The following WDR27 variants were observed in gnomAD, a reference collection of about 807,000 sequenced individuals.
WDR27 encodes WD repeat-containing protein 27.
WDR27 carries 100 observed loss-of-function variants against 114.4 expected under a neutral mutation model. That is an observed-to-expected ratio of 0.87 (90% CI 0.74 to 1.03). The LOEUF (loss-of-function observed/expected upper bound fraction) is 1.03, where lower values mean the gene tolerates loss of function less well. Ranked by LOEUF, WDR27 falls within the 50% of genes least tolerant of loss-of-function variation. The pLI is 0.00. For missense variants in WDR27, 1,129 were observed against 1,092.9 expected (o/e 1.03, Z -0.47); for synonymous variants, 449 against 423.1 (o/e 1.06, Z -0.75).
intron 21 of WDR27, among the ~76,000 whole-genome samples, chr6:169,621,583 C>G (rs1258651912): frequency 1.3e-5 from 2 of 151,902 alleles, no homozygotes; most frequent in Admixed American, 1.3e-4. Context: ...CATACACATG[C>G]ACGCACGCAT....
chr6:169,570,834 A>C (rs1168852518), intron 25 of WDR27, among the ~76,000 whole-genome samples: 1 of 152,214 alleles, frequency 6.6e-6, no homozygotes, highest in Non-Finnish European at 1.5e-5. Context: ...CGTTTCAAAA[A>C]AAAAGAAAAA....
At chr6:169,646,971 G>A (rs1479319385) in intron 16 of WDR27, among the ~76,000 whole-genome samples, 3 of 152,162 alleles carry the variant, frequency 2.0e-5, no homozygotes, top group African/African-American at 4.8e-5. Context: ...GTAACCCTTA[G>A]GCGACTCAAC....
chr6:169,460,334 T>C (rs1270635240), intron 25 of WDR27, among the ~76,000 whole-genome samples: 1 of 152,180 alleles, frequency 6.6e-6, no homozygotes, highest in African/African-American at 2.4e-5. Flanking sequence ...ACATAATTTT[T>C]TGTGTTACTG....
chr6:169,480,707 G>A (rs972385235), intron 25 of WDR27, among the ~76,000 whole-genome samples: 8 of 152,044 alleles, frequency 5.3e-5, no homozygotes, highest in Non-Finnish European at 5.9e-5. Context: ...CTAACTCAAG[G>A]TTTGTAAACA....
In WDR27 at chr6:169,670,621, T is replaced by A. The variant is rs370833591; in HGVS notation, c.404A>T (p.Asp135Val). The A allele has an allele frequency of 5.6e-6, 9 of 1,613,850 alleles. No homozygotes were observed. The highest frequency in any genetic ancestry group is 7.6e-6 in the Non-Finnish European group (9 of 1,179,902). ...KVLCLQLSLD[D>V]HVVAVCAGNK... ...TCCAGCACACACGGCAACAACATGATCATCCAGGCTCAACTGTAAACACAG... is the reference window on the plus strand; with the variant it reads ...TCCAGCACACACGGCAACAACATGAACATCCAGGCTCAACTGTAAACACAG... The change falls in exon 4 of 26, where the codon GAT becomes GTT. Residue 135 changes from aspartate to valine, a missense_variant. Transcript: ENST00000448612.
intron 25 of WDR27, among the ~76,000 whole-genome samples, chr6:169,535,196 T>C (rs1257739088): frequency 6.6e-6 from 1 of 152,204 alleles, no homozygotes; most frequent in Non-Finnish European, 1.5e-5. Context: ...CCATCTGGTA[T>C]GAAGATCCTT....
chr6:169,676,443 T>G (rs1780083605), intron 2 of WDR27, among the ~76,000 whole-genome samples: 1 of 152,238 alleles, frequency 6.6e-6, no homozygotes. Context: ...CAATTATGTT[T>G]CTTTACCATA....
intron 4 of WDR27, 85 bp downstream of exon 4, chr6:169,670,484 A>C: frequency 6.6e-7 from 1 of 1,521,670 alleles, no homozygotes; most frequent in Non-Finnish European, 8.9e-7. Context: ...AGGAAAAAAG[A>C]AAAGACCGCT....
intron 23 of WDR27, among the ~76,000 whole-genome samples, chr6:169,597,444 G>T (rs1282813556): frequency 6.6e-6 from 1 of 151,866 alleles, no homozygotes; most frequent in African/African-American, 2.4e-5. Flanking sequence ...TTACATTATT[G>T]TACTCCAGAA....
intron 25 of WDR27, among the ~76,000 whole-genome samples, chr6:169,464,709 A>T (rs373432877): frequency 1.6e-4 from 24 of 152,366 alleles, no homozygotes; most frequent in African/African-American, 5.5e-4. Flanking sequence ...AATATCCAGG[A>T]TATATAGAGG....
At chr6:169,563,547 A>G (rs1076683) in intron 25 of WDR27, among the ~76,000 whole-genome samples, 2,471 of 152,266 alleles carry the variant, frequency 0.016, 64 homozygotes, top group African/African-American at 0.057. Context: ...TGTATTCGAG[A>G]GCAGAGGGGA....
rs914367252 is a variant in WDR27 at position 169,580,874 on chromosome 6, G to A, written c.2523+1962C>T. 8.8e-5 allele frequency among the ~76,000 whole-genome samples: 13 copies of A among 148,432 alleles called. 1 individual carries two copies. The highest frequency in any genetic ancestry group is 6.4e-4 in the South Asian group (3 of 4,714). On this transcript the variant is annotated intron_variant, in intron 24 of 25. Coordinates refer to ENST00000448612, the MANE Select transcript of WDR27 (RefSeq NM_182552.5). ...AAAGAAAGGAAATTTTTAAAAATAA[G>A]GAACCAGCCAAATTTTTAAAAATAA...
chr6:169,462,269 C>T (rs1784996991), intron 25 of WDR27, among the ~76,000 whole-genome samples: 1 of 151,964 alleles, frequency 6.6e-6, no homozygotes, highest in Non-Finnish European at 1.5e-5. Flanking sequence ...ACATGGTGAA[C>T]CCCCATCTTT....
Position 169,701,932 on chromosome 6 carries a change from G to C in WDR27, c.-389C>G, listed in dbSNP as rs933132585. On this transcript the variant is annotated 5_prime_UTR_variant, in exon 1 of 26. Transcript: ENST00000448612. ...GCTAGGGGAGGACTCACAGCACCCA[G>C]CTCCCAGGAGGGCACGCAGAGGACT... The C allele has an allele frequency of 2.8e-6, 1 of 361,158 alleles. No homozygotes were observed. Among genetic ancestry groups the C allele is most frequent in the Non-Finnish European group, 5.5e-6 (1 of 181,276 alleles). The allele number at this position is 361,158 out of a possible 1,614,324, so 22.4% of individuals were successfully genotyped here.
intron 2 of WDR27, among the ~76,000 whole-genome samples, chr6:169,686,025 G>A (rs1349267378): frequency 6.6e-6 from 1 of 152,166 alleles, no homozygotes. Flanking sequence ...TTACAGTTCA[G>A]GAGAGAACTG....
chr6:169,515,192 C>T (rs12189693), intron 25 of WDR27, among the ~76,000 whole-genome samples: 2,142 of 152,092 alleles, frequency 0.014, 21 homozygotes, highest in Middle Eastern at 0.082. Flanking sequence ...CCCACCGAGT[C>T]CTGTCCTAAC....
the WDR27 span, among the ~76,000 whole-genome samples, chr6:169,427,244 C>T: frequency 1.3e-5 from 2 of 152,078 alleles, no homozygotes; most frequent in African/African-American, 4.8e-5. Context: ...TGGCTACCTG[C>T]GCTCTGAAAG....
At chr6:169,695,762 G>A (rs181380825) in intron 1 of WDR27, among the ~76,000 whole-genome samples, 1 of 152,262 alleles carries the variant, frequency 6.6e-6, no homozygotes, top group East Asian at 1.9e-4. Context: ...CTAATCAGAT[G>A]GGCTTCAGAA....
chr6:169,496,152 T>C (rs1157000623), intron 25 of WDR27, among the ~76,000 whole-genome samples: 4 of 151,954 alleles, frequency 2.6e-5, no homozygotes, highest in Non-Finnish European at 1.5e-5. Flanking sequence ...ATTAACAGAA[T>C]GAATGGAAAA....
Sources: allele counts gnomAD v4.1 joint callset (sites outside exome capture counted in the v4.1 genomes callset), GRCh38; gene constraint gnomAD v4.1.1; transcripts MANE v1.5; gene names NCBI Gene and HGNC (gene_info 2026-07-23, HGNC 2026-07-21).